NALCN: variants seen among roughly 807,000 people sequenced by gnomAD.
NALCN encodes sodium leak channel, non-selective.
A neutral mutation model predicts 225.3 loss-of-function variants in NALCN; 111 were observed. That is an observed-to-expected ratio of 0.49 (90% CI 0.42 to 0.58). The LOEUF (loss-of-function observed/expected upper bound fraction) is 0.58. Among genes scored for constraint, NALCN ranks in the 20% least tolerant of loss-of-function variants. The pLI is 0.00. For missense variants in NALCN, 1,378 were observed against 2,202.4 expected (o/e 0.63, Z 7.49); for synonymous variants, 764 against 769.0 (o/e 0.99, Z 0.11).
chr13:101,271,773 G>C (rs916309313), intron 10 of NALCN, among the ~76,000 whole-genome samples: 27 of 151,686 alleles, frequency 1.8e-4, no homozygotes, highest in African/African-American at 5.6e-4. Context: ...GTGTATAAGC[G>C]TGTGTATGCA....
intron 9 of NALCN, among the ~76,000 whole-genome samples, chr13:101,290,369 G>A (rs1376907673): frequency 1.3e-5 from 2 of 152,142 alleles, no homozygotes; most frequent in Admixed American, 6.5e-5. Flanking sequence ...ATTCCATTTA[G>A]GTCTCAAAGT....
intron 1 of NALCN, among the ~76,000 whole-genome samples, chr13:101,400,570 T>C (rs1289582684): frequency 7.7e-6 from 1 of 130,084 alleles, no homozygotes; most frequent in Non-Finnish European, 1.6e-5. Flanking sequence ...TGTGTGTGTG[T>C]GTGTGTGTGT....
intron 3 of NALCN, among the ~76,000 whole-genome samples, chr13:101,393,006 A>C (rs150882603): frequency 6.6e-6 from 1 of 152,340 alleles, no homozygotes; most frequent in Non-Finnish European, 1.5e-5. Context: ...TATGACATAA[A>C]ATGCAGACAA....
chr13:101,089,081 A>G lies in NALCN; in HGVS notation c.3489+582T>C, dbSNP rs1296724896. 6.6e-6 allele frequency among the ~76,000 whole-genome samples: 1 copy of G among 151,920 alleles called. No homozygotes were observed. Among genetic ancestry groups the G allele is most frequent in the Non-Finnish European group, 1.5e-5 (1 of 67,964 alleles). The stretch of plus-strand genomic sequence containing the variant: ...CCCGGCTAATTTTTGTATTTTTAGT[A>G]GAGACAGGGTTTCACTATGTTGGCC... On this transcript the variant is annotated intron_variant, in intron 30 of 43. Coordinates refer to ENST00000251127, the MANE Select transcript of NALCN (RefSeq NM_052867.4). This position sits in a 1 kb window ranked among gnomAD's most constrained non-coding sequence, Gnocchi z 4.7.
intron 15 of NALCN, among the ~76,000 whole-genome samples, chr13:101,145,720 C>T (rs1188115970): frequency 6.6e-6 from 1 of 152,132 alleles, no homozygotes; most frequent in Non-Finnish European, 1.5e-5. Flanking sequence ...CTTCTGTTTA[C>T]CTCTCCCCTT....
chr13:101,199,232 T>C (rs1375928930), intron 13 of NALCN, among the ~76,000 whole-genome samples: 1 of 151,890 alleles, frequency 6.6e-6, no homozygotes, highest in East Asian at 1.9e-4. Context: ...GGCATATATA[T>C]ACATATGTAA....
chr13:101,399,364 C>T (rs2047402898), intron 1 of NALCN, among the ~76,000 whole-genome samples, 199 bp from the exon 2 acceptor site: 1 of 152,068 alleles, frequency 6.6e-6, no homozygotes, highest in Admixed American at 6.6e-5. Context: ...TCTCCCAAAG[C>T]AATGGATTAT....
intron 9 of NALCN, among the ~76,000 whole-genome samples, chr13:101,290,682 G>T (rs964832766): frequency 1.3e-5 from 2 of 152,084 alleles, no homozygotes; most frequent in Admixed American, 1.3e-4. Flanking sequence ...ACACCACCAG[G>T]CTTTTCCCAA....
intron 16 of NALCN, among the ~76,000 whole-genome samples, chr13:101,143,666 G>A (rs1182760990): frequency 1.3e-5 from 2 of 152,124 alleles, no homozygotes; most frequent in East Asian, 1.9e-4. Flanking sequence ...ATTTCTCCAT[G>A]TTGGTCAGGC....
At chr13:101,172,551 C>T (rs550096289) in intron 15 of NALCN, among the ~76,000 whole-genome samples, 1 of 152,206 alleles carries the variant, frequency 6.6e-6, no homozygotes, top group East Asian at 1.9e-4. Flanking sequence ...TGCATGTTAA[C>T]ACCCCCATTT....
At chr13:101,227,145 T>G (rs149839084) in intron 13 of NALCN, among the ~76,000 whole-genome samples, 3 of 152,300 alleles carry the variant, frequency 2.0e-5, no homozygotes, top group African/African-American at 7.2e-5. Context: ...CTTGCTGTCC[T>G]GAGGATCACC....
intron 9 of NALCN, among the ~76,000 whole-genome samples, chr13:101,290,787 G>T (rs977611616): frequency 1.3e-5 from 2 of 152,156 alleles, no homozygotes; most frequent in African/African-American, 4.8e-5. Context: ...CTCCTTGATA[G>T]ATACCTTTGT....
At chr13:101,058,165 A>C in intron 42 of NALCN, 109 bp from the exon 43 acceptor site, 1 of 895,788 alleles carries the variant, frequency 1.1e-6, no homozygotes, top group Non-Finnish European at 1.7e-6. Flanking sequence ...GAAGAACAAC[A>C]TGGACTCAGA....
intron 14 of NALCN, 130 bp downstream of exon 14, chr13:101,191,787 T>C: frequency 1.2e-6 from 1 of 816,376 alleles, no homozygotes; most frequent in African/African-American, 1.8e-5. Flanking sequence ...AGGAGGGATC[T>C]CATCCAACCA....
intron 41 of NALCN, among the ~76,000 whole-genome samples, chr13:101,060,275 G>GTTTTTCTTTTTTT (rs1555373026): frequency 1.3e-5 from 1 of 79,854 alleles, no homozygotes; most frequent in African/African-American, 5.1e-5. Flanking sequence ...GGTGTTTTCT[G>GTTTTTCTTTTTTT]TTTTTTTTTT....
chr13:101,258,291 C>A, intron 11 of NALCN, 152 bp downstream of exon 11: 2 of 1,182,218 alleles, frequency 1.7e-6, no homozygotes, highest in Non-Finnish European at 1.2e-6. Context: ...CACACTGTGA[C>A]CAGAGGAACC....
chr13:101,335,813 A>G (rs1158934861), intron 7 of NALCN, among the ~76,000 whole-genome samples: 1 of 151,944 alleles, frequency 6.6e-6, no homozygotes, highest in African/African-American at 2.4e-5. Context: ...GTTCTGTAAT[A>G]AATCATGGTT....
chr13:101,137,859 G>C (rs2036877886), intron 17 of NALCN, among the ~76,000 whole-genome samples: 1 of 152,168 alleles, frequency 6.6e-6, no homozygotes, highest in Non-Finnish European at 1.5e-5. Context: ...GCTAGCCCAG[G>C]TGCAATGCTA....
rs756538147 is a variant in NALCN, at chr13:101,104,593, G to A, written c.2694C>T (p.Cys898=). ...ACTCAAACATCATGGAAATGCAAGA[G>A]CAGATGGTTACGATGATCATGACCC... ...LDWVMIIVTI[C]SCISMMFESP... is the part of the protein sequence containing the mutation. Residue 898 remains cysteine, a synonymous_variant, in exon 24 of 44, where the codon TGC becomes TGT. Transcript: ENST00000251127. The surrounding 1 kb of genome is among the most constrained non-coding windows in gnomAD (Gnocchi z 4.2). 3 of 1,613,980 alleles carry A rather than the reference G, an allele frequency of 1.9e-6. No individual in the cohort carries two copies. The highest frequency in any genetic ancestry group is 2.5e-6 in the Non-Finnish European group (3 of 1,179,920).
Sources: gnomAD v4.1 joint callset for allele counts (sites outside exome capture counted in the v4.1 genomes callset) on GRCh38, gnomAD v4.1.1 for gene constraint, Gnocchi (gnomAD v3.1) non-coding constraint, MANE v1.5 for transcripts, NCBI Gene and HGNC (gene_info 2026-07-23, HGNC 2026-07-21) for gene names.